The following S100PBP variants were observed in gnomAD, a reference collection of about 807,000 sequenced individuals.
S100PBP encodes S100P binding protein.
S100PBP carries 15 observed loss-of-function variants against 39.9 expected under a neutral mutation model. The ratio of observed to expected loss-of-function variants is 0.38; its 90% confidence interval spans 0.25 to 0.58. The LOEUF (loss-of-function observed/expected upper bound fraction) is 0.58, where lower values mean the gene tolerates loss of function less well. Among genes scored for constraint, S100PBP ranks in the 20% least tolerant of loss-of-function variants. S100PBP has a pLI of 0.70. For synonymous variants in S100PBP, 178 were observed against 180.3 expected, an observed-to-expected ratio of 0.99 and a Z score of 0.10; for missense variants, 504 against 487.3, an observed-to-expected ratio of 1.03 and a Z score of -0.32.
chr1:32,832,613 G>GT (rs1639648960), intron 5 of S100PBP, among the ~76,000 whole-genome samples: 2 of 151,784 alleles, frequency 1.3e-5, no homozygotes, highest in South Asian at 4.2e-4. Flanking sequence ...CATAAGATTT[G>GT]TATATACCTT....
intron 5 of S100PBP, chr1:32,835,681 C>T (rs1241894847): frequency 6.6e-6 from 1 of 151,920 alleles, no homozygotes; most frequent in Non-Finnish European, 1.5e-5. Context: ...TGGCTTATTT[C>T]GTTTAGTATA....
intron 3 of S100PBP, among the ~76,000 whole-genome samples, 188 bp downstream of exon 3, chr1:32,827,118 C>G (rs1029230759): frequency 2.0e-5 from 3 of 152,144 alleles, no homozygotes; most frequent in African/African-American, 7.2e-5. Context: ...GGGTTTGAAT[C>G]CTGACTAGCA....
In S100PBP at chr1:32,845,837, CTGGCTAATTTTT is replaced by C. The variant is rs564310559; in HGVS notation, c.1025-7239_1025-7228del. On this transcript the variant is annotated intron_variant, in intron 5 of 6. Coordinates refer to ENST00000373475, the MANE Select transcript of S100PBP (RefSeq NM_022753.4). Reference sequence around the variant, plus strand: ...GGACTACAGGTGTGTGCCGCCAAGCCTGGCTAATTTTTTGTATTTTTTGTAGAGATGGGGTTT... The same window carrying C: ...GGACTACAGGTGTGTGCCGCCAAGCCTGTATTTTTTGTAGAGATGGGGTTT... Among the ~76,000 whole-genome samples, 118 of 151,968 alleles carry C rather than the reference CTGGCTAATTTTT, an allele frequency of 7.8e-4. 1 individual carries two copies. The East Asian group carries it at 0.013, about 17-fold the overall frequency.
intron 5 of S100PBP, among the ~76,000 whole-genome samples, chr1:32,834,442 GT>G (rs1273535321): frequency 6.6e-6 from 1 of 152,092 alleles, no homozygotes; most frequent in African/African-American, 2.4e-5. Flanking sequence ...CATTTAATTT[GT>G]TCCTCCATTC....
chr1:32,840,313 G>A (rs1640026836), intron 5 of S100PBP, among the ~76,000 whole-genome samples: 1 of 151,424 alleles, frequency 6.6e-6, no homozygotes, highest in African/African-American at 2.4e-5. Context: ...GGTAGAGACC[G>A]TGTTTTACCA....
intron 5 of S100PBP, among the ~76,000 whole-genome samples, chr1:32,842,213 A>ATATATG (rs1640136094): frequency 1.9e-5 from 1 of 52,702 alleles, no homozygotes; most frequent in Non-Finnish European, 3.6e-5. Context: ...ACATATATAT[A>ATATATG]TATATATGTA....
chr1:32,822,240 T>C (rs932800491), intron 1 of S100PBP, among the ~76,000 whole-genome samples: 3 of 152,104 alleles, frequency 2.0e-5, no homozygotes, highest in Admixed American at 6.6e-5. Context: ...TGGGGTTGAG[T>C]GATGGGTATG....
chr1:32,823,446 GTAAAA>G (rs527734414), intron 1 of S100PBP, among the ~76,000 whole-genome samples: 1 of 152,162 alleles, frequency 6.6e-6, no homozygotes, highest in East Asian at 1.9e-4. Flanking sequence ...TATAGTATTG[GTAAAA>G]TAAAATAAGT....
Position 32,840,935 on chromosome 1 carries a change from C to T in S100PBP, c.1024+10868C>T, listed in dbSNP as rs558432689. ...CAGCACTTTGGGAGGCCGAGGTGGG[C>T]GGATCACGAGATCAGGAGATTGAGG... On this transcript the variant is annotated intron_variant, in intron 5 of 6. Coordinates refer to ENST00000373475, the MANE Select transcript of S100PBP (RefSeq NM_022753.4). Among the ~76,000 whole-genome samples the T allele has an allele frequency of 4.6e-5, 7 of 151,452 alleles. No homozygotes were observed. The South Asian group carries it at 1.5e-3, about 32-fold the overall frequency.
At chr1:32,834,620 A>G (rs558561527) in intron 5 of S100PBP, among the ~76,000 whole-genome samples, 1 of 152,342 alleles carries the variant, frequency 6.6e-6, no homozygotes, top group East Asian at 1.9e-4. Context: ...ACTTAATGAC[A>G]GGTTGTTCCA....
chr1:32,829,718 C>T (rs577670454), intron 4 of S100PBP, among the ~76,000 whole-genome samples: 182 of 152,332 alleles, frequency 1.2e-3, no homozygotes, highest in Non-Finnish European at 2.3e-3. Flanking sequence ...CTGATACTCC[C>T]AGAGTGCTGG....
At chr1:32,838,515 A>G (rs948923084) in intron 5 of S100PBP, among the ~76,000 whole-genome samples, 3 of 152,008 alleles carry the variant, frequency 2.0e-5, no homozygotes, top group African/African-American at 7.3e-5. Context: ...AATACACATA[A>G]TATACACATA....
rs554717882 is a variant in S100PBP at position 32,839,526 on chromosome 1, C to A, written c.1024+9459C>A. On this transcript the variant is annotated intron_variant, in intron 5 of 6. Coordinates refer to ENST00000373475, the MANE Select transcript of S100PBP (RefSeq NM_022753.4). ...GGAATTGCTAGATCATATGCTAATTCTATTTTTATTTTTATTTTTGACATG... is the reference window on the plus strand; with the variant it reads ...GGAATTGCTAGATCATATGCTAATTATATTTTTATTTTTATTTTTGACATG... Among the ~76,000 whole-genome samples, 6 of 152,230 alleles carry A rather than the reference C, an allele frequency of 3.9e-5. No individual in the cohort carries two copies. In the South Asian group the frequency reaches 1.2e-3, roughly 32 times the overall value.
intron 5 of S100PBP, among the ~76,000 whole-genome samples, chr1:32,838,333 C>CAAA (rs770251816): frequency 8.8e-5 from 6 of 67,826 alleles, no homozygotes; most frequent in Non-Finnish European, 1.7e-4. Flanking sequence ...GACTCTGTCT[C>CAAA]AAAAAAAAAA....
chr1:32,822,526 A>G (rs997188032), intron 1 of S100PBP, among the ~76,000 whole-genome samples: 2 of 150,472 alleles, frequency 1.3e-5, no homozygotes, highest in African/African-American at 2.4e-5. Context: ...GTGAAGCAGG[A>G]GAATGGTGTG....
chr1:32,843,559 C>T (rs1640218705), intron 5 of S100PBP, among the ~76,000 whole-genome samples: 1 of 152,044 alleles, frequency 6.6e-6, no homozygotes, highest in Admixed American at 6.6e-5. Context: ...CATGTTCAAG[C>T]GATTCTCCTT....
chr1:32,853,582 A>T (rs990431428), intron 6 of S100PBP, among the ~76,000 whole-genome samples: 2 of 151,748 alleles, frequency 1.3e-5, no homozygotes, highest in Non-Finnish European at 2.9e-5. Context: ...AGGGGGAAAA[A>T]GTGATGCAGT....
chr1:32,817,201 G>T (rs1638772500), upstream of S100PBP: 5 of 1,614,210 alleles, frequency 3.1e-6, no homozygotes, highest in Non-Finnish European at 4.2e-6. Context: ...CAGGTTCCGG[G>T]TGATAAGGTG....
chr1:32,822,341 GGT>G (rs1557479770), intron 1 of S100PBP, among the ~76,000 whole-genome samples: 1 of 152,082 alleles, frequency 6.6e-6, no homozygotes, highest in African/African-American at 2.4e-5. Flanking sequence ...GGCCGGGCGC[GGT>G]GGCTCACGCC....
Sources: allele counts gnomAD v4.1 joint callset (sites outside exome capture counted in the v4.1 genomes callset), GRCh38; gene constraint gnomAD v4.1.1; transcripts MANE v1.5; gene names NCBI Gene and HGNC (gene_info 2026-07-23, HGNC 2026-07-21).